The following RPS6KA5 variants were observed in gnomAD, a reference collection of about 807,000 sequenced individuals.
The protein encoded by RPS6KA5 is ribosomal protein S6 kinase alpha-5.
RPS6KA5 carries 27 observed loss-of-function variants against 85.5 expected under a neutral mutation model. The observed-to-expected ratio is 0.32, with a 90% CI of 0.23 to 0.44. The LOEUF (loss-of-function observed/expected upper bound fraction) is 0.44, where lower values mean the gene tolerates loss of function less well. Among genes scored for constraint, RPS6KA5 ranks in the 20% least tolerant of loss-of-function variants. The pLI, the probability that RPS6KA5 is intolerant of heterozygous loss-of-function variation, is 1.00. For missense variants in RPS6KA5, 811 were observed against 980.9 expected (o/e 0.83, Z 2.31); for synonymous variants, 334 against 348.2 (o/e 0.96, Z 0.46).
At chr14:90,924,093 ATTT>A (rs1773893173) in intron 5 of RPS6KA5, among the ~76,000 whole-genome samples, 1 of 152,032 alleles carries the variant, frequency 6.6e-6, no homozygotes, top group Non-Finnish European at 1.5e-5. Flanking sequence ...ATAAATATTT[ATTT>A]ATTTGATAGA....
At chr14:91,000,320 T>G (rs2040730692) in intron 2 of RPS6KA5, among the ~76,000 whole-genome samples, 1 of 152,168 alleles carries the variant, frequency 6.6e-6, no homozygotes, top group African/African-American at 2.4e-5. Context: ...GAGATCCATG[T>G]TCCATTTAAC....
rs2032271181 is a variant in RPS6KA5 at position 90,856,077 on chromosome 14, C to T, written c.*15997G>A. 6.6e-6 allele frequency: 1 copy of T among 152,224 alleles called. No individual in the cohort carries two copies. Among genetic ancestry groups the T allele is most frequent in the East Asian group, 1.9e-4 (1 of 5,194 alleles). 9.4% of individuals were successfully genotyped at this position (152,224 alleles called of 1,614,324 possible). A position where few individuals can be genotyped will look rare whatever the true frequency, so the allele number is the denominator to read the frequency against. On this transcript the variant is annotated 3_prime_UTR_variant, in exon 17 of 17. Coordinates refer to ENST00000614987, the MANE Select transcript of RPS6KA5 (RefSeq NM_004755.4). Reference sequence around the variant, plus strand: ...TGGATATGATCACCATGGAAACATACAGCACTTTGACATCTGTCCGAGCAC... The same window carrying T: ...TGGATATGATCACCATGGAAACATATAGCACTTTGACATCTGTCCGAGCAC...
At chr14:90,943,394 T>A (rs975590304) in intron 4 of RPS6KA5, among the ~76,000 whole-genome samples, 3 of 152,098 alleles carry the variant, frequency 2.0e-5, no homozygotes, top group African/African-American at 7.2e-5. Flanking sequence ...GTCTTTGTTC[T>A]CCTTGTGCAC....
chr14:91,058,518 T>C (rs375680049), intron 1 of RPS6KA5, among the ~76,000 whole-genome samples: 1 of 152,232 alleles, frequency 6.6e-6, no homozygotes, highest in Admixed American at 6.5e-5. Flanking sequence ...TGACTTCAAG[T>C]AGCTTTTGCT....
intron 1 of RPS6KA5, among the ~76,000 whole-genome samples, chr14:91,018,290 G>A (rs2041591528): frequency 6.6e-6 from 1 of 152,182 alleles, no homozygotes; most frequent in Non-Finnish European, 1.5e-5. Context: ...ATTAATATAT[G>A]TACTAATCAA....
At chr14:90,986,927 C>T (rs1954237917) in intron 2 of RPS6KA5, among the ~76,000 whole-genome samples, 1 of 152,224 alleles carries the variant, frequency 6.6e-6, no homozygotes, top group Admixed American at 6.5e-5. Context: ...TGAGAGTGCT[C>T]CTGCAGTAAA....
chr14:90,945,527 C>A (rs931505461), intron 4 of RPS6KA5, among the ~76,000 whole-genome samples: 2 of 152,136 alleles, frequency 1.3e-5, no homozygotes, highest in African/African-American at 4.8e-5. Flanking sequence ...ATGTTAGTAG[C>A]TTTATCAAGA....
intron 1 of RPS6KA5, among the ~76,000 whole-genome samples, chr14:91,046,000 C>G (rs113270027): frequency 1.3e-5 from 2 of 152,118 alleles, no homozygotes; most frequent in African/African-American, 4.8e-5. Context: ...TTTGTTTCCC[C>G]GCTCTTCACC....
intron 7 of RPS6KA5, among the ~76,000 whole-genome samples, chr14:90,907,862 G>A (rs1452797552): frequency 6.6e-6 from 1 of 152,032 alleles, no homozygotes; most frequent in Non-Finnish European, 1.5e-5. Flanking sequence ...CTGCTTCTTG[G>A]GGAAAAATAA....
At chr14:90,901,815 CTTTT>C in intron 9 of RPS6KA5, among the ~76,000 whole-genome samples, 1 of 152,006 alleles carries the variant, frequency 6.6e-6, no homozygotes, top group East Asian at 1.9e-4. Flanking sequence ...AAATCTAAAT[CTTTT>C]TTTAACAGCA....
chr14:91,018,659 C>T (rs1446478328), intron 1 of RPS6KA5, among the ~76,000 whole-genome samples: 1 of 152,162 alleles, frequency 6.6e-6, no homozygotes, highest in Non-Finnish European at 1.5e-5. Flanking sequence ...TGGACTTACA[C>T]CAGTGGTTTG....
At chr14:91,039,092 A>C (rs2042506838) in intron 1 of RPS6KA5, among the ~76,000 whole-genome samples, 1 of 152,130 alleles carries the variant, frequency 6.6e-6, no homozygotes, top group Admixed American at 6.5e-5. Context: ...CATACCATTC[A>C]AGTCCTAGAG....
chr14:90,906,431 C>A, intron 7 of RPS6KA5, 132 bp from the exon 8 acceptor site: 1 of 598,832 alleles, frequency 1.7e-6, no homozygotes, highest in Non-Finnish European at 2.7e-6. Flanking sequence ...TCAATAATAC[C>A]TCAATACTGT....
intron 1 of RPS6KA5, among the ~76,000 whole-genome samples, chr14:91,059,853 C>T (rs1164430161): frequency 6.6e-6 from 1 of 152,268 alleles, no homozygotes; most frequent in Non-Finnish European, 1.5e-5. Flanking sequence ...TCCTACAGGA[C>T]CCCAGCACCT....
intron 9 of RPS6KA5, 106 bp downstream of exon 9, chr14:90,902,702 A>T: frequency 1.0e-6 from 1 of 999,618 alleles, no homozygotes; most frequent in Non-Finnish European, 1.4e-6. Context: ...GATATTAGAG[A>T]ATCCCATTTT....
At chr14:90,956,171 T>G (rs572083424) in intron 3 of RPS6KA5, among the ~76,000 whole-genome samples, 1 of 152,308 alleles carries the variant, frequency 6.6e-6, no homozygotes, top group African/African-American at 2.4e-5. Flanking sequence ...ATCTGAAGTT[T>G]TTTTTTATCC....
At chr14:90,943,275 T>TA in intron 4 of RPS6KA5, 90 bp from the exon 5 acceptor site, 1 of 750,684 alleles carries the variant, frequency 1.3e-6, no homozygotes, top group South Asian at 2.0e-5. Context: ...TTATTTATTT[T>TA]TTTTTTTAAG....
chr14:91,039,075 C>T lies in RPS6KA5; in HGVS notation c.103+21257G>A, dbSNP rs982841429. On this transcript the variant is annotated intron_variant, in intron 1 of 16. Transcript: ENST00000614987. ...AACTCCAAATCCTTATTGATTTCCA[C>T]CATCCCCATACCATTCAAGTCCTAG... 2.6e-5 allele frequency among the ~76,000 whole-genome samples: 4 copies of T among 152,184 alleles called. No homozygotes were observed. The East Asian group carries it at 5.8e-4, about 22-fold the overall frequency.
At chr14:90,879,091 C>A (rs2033662006) in intron 14 of RPS6KA5, among the ~76,000 whole-genome samples, 2 of 152,182 alleles carry the variant, frequency 1.3e-5, no homozygotes, top group Non-Finnish European at 2.9e-5. Flanking sequence ...TTACTAGACC[C>A]CGGCAGGCTC....
Sources: gnomAD v4.1 joint callset for allele counts (sites outside exome capture counted in the v4.1 genomes callset) on GRCh38, gnomAD v4.1.1 for gene constraint, MANE v1.5 for transcripts, NCBI Gene and HGNC (gene_info 2026-07-23, HGNC 2026-07-21) for gene names.